STXBP5L: variants seen among roughly 807,000 people sequenced by gnomAD.
The protein encoded by STXBP5L is syntaxin-binding protein 5-like.
A neutral mutation model predicts 144.5 loss-of-function variants in STXBP5L; 65 were observed. That is an observed-to-expected ratio of 0.45 (90% CI 0.37 to 0.55). The LOEUF (loss-of-function observed/expected upper bound fraction) is 0.55. STXBP5L is among the 20% of genes least tolerant of loss of function. The probability of loss-of-function intolerance (pLI) is 0.00; values close to 1 mark genes in which losing one functional copy is unlikely to be tolerated. For missense variants in STXBP5L, 1,298 were observed against 1,405.5 expected (o/e 0.92, Z 1.22); for synonymous variants, 505 against 469.6 (o/e 1.08, Z -0.97).
intron 5 of STXBP5L, among the ~76,000 whole-genome samples, chr3:121,097,618 T>C (rs1333481785): frequency 6.6e-6 from 1 of 152,172 alleles, no homozygotes; most frequent in Non-Finnish European, 1.5e-5. Context: ...CCCACCCTGC[T>C]TCAGATCACC....
chr3:121,112,577 C>G (rs2044038667), intron 5 of STXBP5L, among the ~76,000 whole-genome samples: 1 of 110,840 alleles, frequency 9.0e-6, no homozygotes, highest in Non-Finnish European at 2.0e-5. Flanking sequence ...TCGGTGGGAG[C>G]CTTCGACCGC....
intron 19 of STXBP5L, among the ~76,000 whole-genome samples, chr3:121,289,796 G>T (rs2108461093): frequency 6.6e-6 from 1 of 152,244 alleles, no homozygotes; most frequent in South Asian, 2.1e-4. Flanking sequence ...TAAATAATCT[G>T]CCCCTGAATG....
At chr3:120,955,076 GC>G (rs759968300) in intron 3 of STXBP5L, 39 bp downstream of exon 3, 24 of 1,353,596 alleles carry the variant, frequency 1.8e-5, no homozygotes, top group Non-Finnish European at 2.0e-5. Flanking sequence ...CCACAGTAAT[GC>G]CAATTACATT....
chr3:120,983,283 G>T (rs1299010495), intron 3 of STXBP5L, among the ~76,000 whole-genome samples: 3 of 152,028 alleles, frequency 2.0e-5, no homozygotes, highest in Admixed American at 2.0e-4. Context: ...CAGCACTGTG[G>T]GTCTGCCATG....
chr3:121,102,893 A>G (rs1029682916), intron 5 of STXBP5L, among the ~76,000 whole-genome samples: 1 of 152,146 alleles, frequency 6.6e-6, no homozygotes, highest in Non-Finnish European at 1.5e-5. Context: ...TGGGCAAAAG[A>G]CCTTAACAGA....
At chr3:121,394,850 C>T (rs189577711) in intron 22 of STXBP5L, among the ~76,000 whole-genome samples, 5 of 152,100 alleles carry the variant, frequency 3.3e-5, no homozygotes, top group African/African-American at 7.2e-5. Flanking sequence ...ATGATCCACC[C>T]GTCTCAGCCT....
chr3:121,052,363 A>T (rs572042936), intron 5 of STXBP5L, among the ~76,000 whole-genome samples: 2 of 152,154 alleles, frequency 1.3e-5, no homozygotes, highest in Non-Finnish European at 2.9e-5. Flanking sequence ...ACTGGCAAAC[A>T]GAATCCAGCA....
chr3:121,342,428 T>A (rs1234642121), intron 20 of STXBP5L, among the ~76,000 whole-genome samples: 2 of 151,786 alleles, frequency 1.3e-5, no homozygotes, highest in East Asian at 1.9e-4. Context: ...ACATGTGCCA[T>A]GCTGGTGCGC....
At chr3:121,085,152 C>A (rs907501438) in intron 5 of STXBP5L, among the ~76,000 whole-genome samples, 4 of 152,062 alleles carry the variant, frequency 2.6e-5, no homozygotes, top group African/African-American at 7.2e-5. Context: ...AAAATTTTCT[C>A]CCATTCTGTA....
intron 3 of STXBP5L, among the ~76,000 whole-genome samples, chr3:120,995,158 C>G (rs1279024333): frequency 6.6e-6 from 1 of 151,920 alleles, no homozygotes; most frequent in Non-Finnish European, 1.5e-5. Context: ...GTTTTCTTTT[C>G]CTATTTTGAA....
intron 3 of STXBP5L, among the ~76,000 whole-genome samples, chr3:121,003,422 G>C (rs1457947394): frequency 6.6e-6 from 1 of 152,270 alleles, no homozygotes; most frequent in Middle Eastern, 3.4e-3. Context: ...TTGTAATTTT[G>C]TTTGAGTTCA....
intron 18 of STXBP5L, among the ~76,000 whole-genome samples, chr3:121,263,309 T>G (rs887583336): frequency 1.3e-5 from 2 of 151,984 alleles, no homozygotes; most frequent in African/African-American, 4.8e-5. Flanking sequence ...AAAAACCCCA[T>G]CTGAAGGTCA....
chr3:121,166,638 C>G (rs1261314442), intron 9 of STXBP5L, among the ~76,000 whole-genome samples: 1 of 152,238 alleles, frequency 6.6e-6, no homozygotes, highest in Non-Finnish European at 1.5e-5. Flanking sequence ...AAGTATAAAG[C>G]TGTTTACTGT....
At position 120,929,127 on chromosome 3, in the gene STXBP5L, C is replaced by G. The variant is rs533433127; in HGVS notation, c.189+19360C>G. On this transcript the variant is annotated intron_variant, in intron 2 of 26. Transcript: ENST00000471454. ...GTTTGGGAAGCATATTTGGCTTTCT[C>G]TAGTCAGTATTGAGTTGGAAGTGTT... Among the ~76,000 whole-genome samples the G allele has an allele frequency of 2.6e-5, 4 of 152,262 alleles. No homozygotes were observed. The East Asian group carries it at 7.7e-4, about 29-fold the overall frequency.
intron 3 of STXBP5L, among the ~76,000 whole-genome samples, chr3:120,981,745 T>C (rs1228348275): frequency 6.6e-6 from 1 of 152,230 alleles, no homozygotes; most frequent in Non-Finnish European, 1.5e-5. Flanking sequence ...TACAACACTT[T>C]GTTTTTTCAT....
chr3:121,049,947 C>A (rs1347387180), intron 5 of STXBP5L, among the ~76,000 whole-genome samples: 2 of 152,112 alleles, frequency 1.3e-5, no homozygotes, highest in Non-Finnish European at 2.9e-5. Flanking sequence ...GATCCTGAGT[C>A]CAAGGATGCA....
chr3:121,408,898 G>A (rs933537440), intron 23 of STXBP5L, among the ~76,000 whole-genome samples: 2 of 151,904 alleles, frequency 1.3e-5, no homozygotes, highest in Non-Finnish European at 2.9e-5. Flanking sequence ...GAGTTTAAAG[G>A]TTAAAAATTT....
intron 2 of STXBP5L, among the ~76,000 whole-genome samples, chr3:120,926,356 C>CT (rs35029446): frequency 0.7 from 97,867 of 139,620 alleles, 34,614 homozygotes; most frequent in East Asian, 0.84. Context: ...GATGGCAGTT[C>CT]TTTTTTTTTT....
At chr3:121,339,733 A>T (rs2044638233) in intron 20 of STXBP5L, among the ~76,000 whole-genome samples, 1 of 152,102 alleles carries the variant, frequency 6.6e-6, no homozygotes, top group Non-Finnish European at 1.5e-5. Flanking sequence ...AAATCCATGT[A>T]CACAAATCAG....
Sources: gnomAD v4.1 joint callset for allele counts (sites outside exome capture counted in the v4.1 genomes callset) on GRCh38, gnomAD v4.1.1 for gene constraint, MANE v1.5 for transcripts, NCBI Gene and HGNC (gene_info 2026-07-23, HGNC 2026-07-21) for gene names.